The following TECRL variants were observed in gnomAD, a reference collection of about 807,000 sequenced individuals.
TECRL encodes the protein trans-2,3-enoyl-CoA reductase like.
A neutral mutation model predicts 52.8 loss-of-function variants in TECRL; 63 were observed. The observed-to-expected ratio is 1.19, with a 90% CI of 0.97 to 1.47. The LOEUF (loss-of-function observed/expected upper bound fraction) is 1.47, where lower values mean the gene tolerates loss of function less well. Among genes scored for constraint, TECRL ranks in the 40% most tolerant of loss-of-function variants. The pLI, the probability that TECRL is intolerant of heterozygous loss-of-function variation, is 0.00. For missense variants in TECRL, 482 were observed against 429.6 expected, an observed-to-expected ratio of 1.12 and a Z score of -1.08; for synonymous variants, 164 against 141.9, an observed-to-expected ratio of 1.16 and a Z score of -1.10.
At chr4:64,280,963 A>G (rs1560466822) in intron 11 of TECRL, 78 bp downstream of exon 11, 6 of 1,044,236 alleles carry the variant, frequency 5.7e-6, no homozygotes, top group Admixed American at 2.0e-5. Context: ...CTTTAGTACT[A>G]TAATAACTTT....
Position 64,278,917 on chromosome 4 carries a change from A to G in TECRL, c.*1155T>C, listed in dbSNP as rs929869216. On this transcript the variant is annotated 3_prime_UTR_variant, in exon 12 of 12. Coordinates refer to ENST00000381210, the MANE Select transcript of TECRL (RefSeq NM_001010874.5). ...TAACATATGCCCTCCAATTCCATCCATGTTGTCCTGAATGACAGGAATTCA... is the reference window on the plus strand; with the variant it reads ...TAACATATGCCCTCCAATTCCATCCGTGTTGTCCTGAATGACAGGAATTCA... 6.6e-6 allele frequency: 1 copy of G among 152,112 alleles called. No individual in the cohort carries two copies. Among genetic ancestry groups the G allele is most frequent in the Non-Finnish European group, 1.5e-5 (1 of 68,004 alleles). The allele number at this position is 152,112 out of a possible 1,614,324, so 9.4% of individuals were successfully genotyped here.
chr4:64,354,213 T>C (rs17084701), intron 2 of TECRL, among the ~76,000 whole-genome samples: 3 of 151,884 alleles, frequency 2.0e-5, no homozygotes, highest in Non-Finnish European at 4.4e-5. Context: ...GTTGGAAAAA[T>C]TTTGATAAAA....
chr4:64,393,770 A>T (rs763088120), intron 1 of TECRL, among the ~76,000 whole-genome samples: 25 of 151,984 alleles, frequency 1.6e-4, no homozygotes, highest in Non-Finnish European at 3.5e-4. Flanking sequence ...TGTTAAAATT[A>T]AAAAAATTAT....
At chr4:64,340,150 T>C (rs1327419125) in intron 2 of TECRL, among the ~76,000 whole-genome samples, 2 of 152,184 alleles carry the variant, frequency 1.3e-5, no homozygotes, top group Non-Finnish European at 2.9e-5. Context: ...CAGGACTGCA[T>C]GCTCCATGGA....
intron 1 of TECRL, among the ~76,000 whole-genome samples, chr4:64,377,095 C>A (rs55699580): frequency 2.0e-5 from 3 of 151,930 alleles, no homozygotes; most frequent in Non-Finnish European, 4.4e-5. Context: ...TTTTCCTGAA[C>A]GAAACCTTCA....
chr4:64,337,031 G>T (rs553312054), intron 2 of TECRL, among the ~76,000 whole-genome samples: 2 of 152,206 alleles, frequency 1.3e-5, no homozygotes, highest in East Asian at 3.9e-4. Flanking sequence ...GGTCCGCTTG[G>T]TGCAGAGCTG....
chr4:64,291,950 ATTTGGCAAC>A (rs1406222537), intron 8 of TECRL, among the ~76,000 whole-genome samples: 1 of 151,988 alleles, frequency 6.6e-6, no homozygotes, highest in Non-Finnish European at 1.5e-5. Context: ...TTAAATATTA[ATTTGGCAAC>A]TTCTTAAGGA....
intron 6 of TECRL, among the ~76,000 whole-genome samples, chr4:64,307,731 T>G (rs995120445): frequency 4.6e-5 from 7 of 152,160 alleles, no homozygotes; most frequent in Admixed American, 1.3e-4. Flanking sequence ...CCCATGTATA[T>G]AAAGTGTTCT....
intron 2 of TECRL, among the ~76,000 whole-genome samples, chr4:64,363,844 G>A (rs1721398289): frequency 1.3e-5 from 2 of 152,116 alleles, no homozygotes; most frequent in South Asian, 2.1e-4. Context: ...TCTAAGAGAA[G>A]TTACTGTTTA....
intron 2 of TECRL, among the ~76,000 whole-genome samples, chr4:64,357,608 AAAAG>A (rs1560526124): frequency 1.4e-5 from 2 of 143,382 alleles, no homozygotes; most frequent in Non-Finnish European, 3.2e-5. Context: ...CTATGAAAAG[AAAAG>A]TTAAAATAAA....
chr4:64,300,049 A>C (rs1430369416), intron 7 of TECRL, 32 bp from the exon 8 acceptor site: 1 of 1,523,204 alleles, frequency 6.6e-7, no homozygotes, highest in Non-Finnish European at 8.9e-7. Context: ...TGTCATGCAG[A>C]TACTCATAGT....
chr4:64,328,254 C>T (rs377462072), intron 3 of TECRL, among the ~76,000 whole-genome samples: 1 of 151,424 alleles, frequency 6.6e-6, no homozygotes, highest in African/African-American at 2.4e-5. Flanking sequence ...GCTTCACAGA[C>T]GACCAGTTAA....
At chr4:64,362,307 C>T (rs1721254280) in intron 2 of TECRL, among the ~76,000 whole-genome samples, 1 of 152,072 alleles carries the variant, frequency 6.6e-6, no homozygotes, top group African/African-American at 2.4e-5. Flanking sequence ...ATTTCCCCAA[C>T]CTTTCTAGAA....
intron 2 of TECRL, among the ~76,000 whole-genome samples, chr4:64,335,269 G>A (rs1035731950): frequency 2.0e-5 from 3 of 152,120 alleles, no homozygotes; most frequent in Non-Finnish European, 2.9e-5. Flanking sequence ...ATAAGTGGCA[G>A]CATTAGATTC....
chr4:64,296,395 C>G (rs1208552960), intron 8 of TECRL, among the ~76,000 whole-genome samples: 2 of 151,700 alleles, frequency 1.3e-5, no homozygotes, highest in Non-Finnish European at 2.9e-5. Flanking sequence ...TCTCCAAGAC[C>G]ATTTGCATTT....
intron 1 of TECRL, among the ~76,000 whole-genome samples, chr4:64,398,594 G>A (rs930256149): frequency 1.3e-5 from 2 of 152,062 alleles, no homozygotes; most frequent in African/African-American, 4.8e-5. Flanking sequence ...TATACTTCCT[G>A]TACGGCCCAC....
intron 1 of TECRL, among the ~76,000 whole-genome samples, chr4:64,408,509 G>A (rs1330719476): frequency 6.6e-6 from 1 of 151,890 alleles, no homozygotes; most frequent in Non-Finnish European, 1.5e-5. Flanking sequence ...TGCAACACCT[G>A]TGAATATGGA....
chr4:64,332,543 CAGGGGGAAATTAAAA>C (rs1718718258), intron 2 of TECRL, among the ~76,000 whole-genome samples: 1 of 151,926 alleles, frequency 6.6e-6, no homozygotes, highest in Non-Finnish European at 1.5e-5. Context: ...GATGAAAAAC[CAGGGGGAAATTAAAA>C]AGGTATTATA....
intron 7 of TECRL, among the ~76,000 whole-genome samples, chr4:64,301,028 A>G (rs934278430): frequency 6.6e-6 from 1 of 151,004 alleles, no homozygotes; most frequent in African/African-American, 2.4e-5. Context: ...TAAAGGTTAC[A>G]TAAATATTTT....
Sources: gnomAD v4.1 joint callset for allele counts (sites outside exome capture counted in the v4.1 genomes callset) on GRCh38, gnomAD v4.1.1 for gene constraint, MANE v1.5 for transcripts, NCBI Gene and HGNC (gene_info 2026-07-23, HGNC 2026-07-21) for gene names.